HOXC6: variants seen among roughly 807,000 people sequenced by gnomAD.
The protein encoded by HOXC6 is homeobox C6.
A neutral mutation model predicts 24.0 loss-of-function variants in HOXC6; 10 were observed. The ratio of observed to expected loss-of-function variants is 0.42; its 90% confidence interval spans 0.26 to 0.71. HOXC6 has a LOEUF of 0.71. Among genes scored for constraint, HOXC6 ranks in the 30% least tolerant of loss-of-function variants. The probability of loss-of-function intolerance (pLI) is 0.28; values close to 1 mark genes in which losing one functional copy is unlikely to be tolerated. For synonymous variants in HOXC6, 123 were observed against 128.1 expected (o/e 0.96, Z 0.27); for missense variants, 258 against 303.4 (o/e 0.85, Z 1.11).
chr12:54,019,241 T>A (rs1940312790), intron 1 of HOXC6, among the ~76,000 whole-genome samples: 1 of 133,442 alleles, frequency 7.5e-6, no homozygotes, highest in African/African-American at 2.8e-5. Flanking sequence ...TAATTTCGCT[T>A]TCCTTGTTTA....
chr12:54,028,564 G>A lies in HOXC6; in HGVS notation c.43G>A (p.Ala15Thr). The change falls in exon 1 of 2, where the codon GCC becomes ACC. Residue 15 changes from alanine (A) to threonine (T), a missense_variant. Ala to Thr is a moderately conservative substitution (Grantham distance 58, BLOSUM62 0). Coordinates refer to ENST00000243108, the MANE Select transcript of HOXC6 (RefSeq NM_004503.4). ...FTNPSLSCHL[A>T]GGQDVLPNVA... ...TAACCCTTCCTTATCCTGCCACCTC[G>A]CCGGGGGCCAGGACGTCCTCCCCAA... 6.2e-7 allele frequency: 1 copy of A among 1,614,064 alleles called. No homozygotes were observed. Among genetic ancestry groups the A allele is most frequent in the South Asian group, 1.1e-5 (1 of 91,068 alleles).
chr12:54,025,886 G>A (rs956564933), upstream of HOXC6, among the ~76,000 whole-genome samples: 3 of 151,778 alleles, frequency 2.0e-5, no homozygotes, highest in African/African-American at 2.4e-5. Context: ...TCCTTGCTGG[G>A]GGCTGTAGTC....
chr12:54,027,829 A>G (rs1940791935), upstream of HOXC6, among the ~76,000 whole-genome samples: 1 of 152,016 alleles, frequency 6.6e-6, no homozygotes, highest in Non-Finnish European at 1.5e-5. Context: ...CCACATCCCT[A>G]CTACATTCAA....
At position 54,030,303 on chromosome 12, in the gene HOXC6, A is replaced by T; in HGVS notation, c.*341A>T. The T allele has an allele frequency of 6.3e-6, 1 of 158,022 alleles. No homozygotes were observed. 9.8% of individuals were successfully genotyped at this position (158,022 alleles called of 1,614,324 possible). A position where few individuals can be genotyped will look rare whatever the true frequency, so the allele number is the denominator to read the frequency against. On this transcript the variant is annotated 3_prime_UTR_variant, in exon 2 of 2. Coordinates refer to ENST00000243108, the MANE Select transcript of HOXC6 (RefSeq NM_004503.4). ...AGGACTTGGCTCCCCCACTCCTTCG[A>T]CGCCCCCACCCCCGCCCCCCGTGCA... is the stretch of plus-strand genomic sequence containing the variant.
At chr12:54,026,867 C>G (rs1940725948), upstream of HOXC6, among the ~76,000 whole-genome samples, 1 of 152,072 alleles carries the variant, frequency 6.6e-6, no homozygotes. Flanking sequence ...ATTGATTACT[C>G]CGCTTTGTTA....
chr12:54,028,433 C>G (rs553927426), upstream of HOXC6: 26 of 1,395,314 alleles, frequency 1.9e-5, no homozygotes, highest in East Asian at 4.6e-5. Context: ...GGATTGGAGC[C>G]GTCCCTATAA....
upstream of HOXC6, chr12:54,028,424 G>A (rs1456869491): frequency 3.0e-6 from 4 of 1,346,722 alleles, no homozygotes; most frequent in Admixed American, 8.6e-5. Context: ...GTCTGTCCTG[G>A]ATTGGAGCCG....
rs1226226084 is a variant in HOXC6 at position 54,028,607 on chromosome 12, C to T, written c.86C>T (p.Thr29Ile). 2 of 1,614,156 alleles carry T rather than the reference C, an allele frequency of 1.2e-6. No homozygotes were observed. The highest frequency in any genetic ancestry group is 1.7e-6 in the Non-Finnish European group (2 of 1,180,030). ...DVLPNVALNS[T>I]AYDPVRHFST... ...CTCCCCAACGTCGCCCTCAATTCCA[C>T]CGCCTATGATCCAGTGAGGCATTTC... The change falls in exon 1 of 2, where the codon ACC becomes ATC. Residue 29 changes from threonine to isoleucine, a missense_variant. Thr to Ile is a moderately conservative substitution (Grantham distance 89, BLOSUM62 -1). Coordinates refer to ENST00000243108, the MANE Select transcript of HOXC6 (RefSeq NM_004503.4).
chr12:54,024,634 C>T (rs1283215516), upstream of HOXC6, among the ~76,000 whole-genome samples: 1 of 152,172 alleles, frequency 6.6e-6, no homozygotes, highest in Non-Finnish European at 1.5e-5. Context: ...GTGAGGCCTG[C>T]CCACGAACTT....
upstream of HOXC6, among the ~76,000 whole-genome samples, chr12:54,027,496 A>C (rs183520758): frequency 3.9e-5 from 6 of 152,156 alleles, no homozygotes; most frequent in Admixed American, 1.3e-4. Context: ...CCAAATAATA[A>C]ATTCTCACCA....
chr12:54,018,003 G>T (rs1048218813), intron 1 of HOXC6, among the ~76,000 whole-genome samples: 3 of 152,224 alleles, frequency 2.0e-5, no homozygotes, highest in Non-Finnish European at 4.4e-5. Flanking sequence ...GCAGCTAGGC[G>T]GCCGGCGGGG....
At position 54,030,738 on chromosome 12, in the gene HOXC6, C is replaced by T. The variant is rs1257449851; in HGVS notation, c.*776C>T. ...GGAGAAAATAAATAAATAAATAAAT[C>T]CCTTCGTGTTACCCTCCTGTATAAA... is the stretch of plus-strand genomic sequence containing the variant. On this transcript the variant is annotated 3_prime_UTR_variant, in exon 2 of 2. Transcript: ENST00000243108. The T allele has an allele frequency of 6.6e-6, 1 of 152,612 alleles. No individual in the cohort carries two copies. Among genetic ancestry groups the T allele is most frequent in the South Asian group, 2.1e-4 (1 of 4,838 alleles). 9.5% of individuals were successfully genotyped at this position (152,612 alleles called of 1,614,324 possible).
At chr12:54,023,206 A>G (rs1227506240) in intron 1 of HOXC6, among the ~76,000 whole-genome samples, 2 of 152,182 alleles carry the variant, frequency 1.3e-5, no homozygotes, top group Non-Finnish European at 2.9e-5. Context: ...AAAGCCAGAA[A>G]TGATTTTTTC....
chr12:54,017,359 G>T (rs1326168673), exon 1 of HOXC6: 1 of 152,248 alleles, frequency 6.6e-6, no homozygotes, highest in Non-Finnish European at 1.5e-5. Flanking sequence ...AGACGAGAAA[G>T]AGAGTGGGAG....
chr12:54,019,835 T>G (rs1253985706), intron 1 of HOXC6: 1 of 152,118 alleles, frequency 6.6e-6, no homozygotes, highest in Non-Finnish European at 1.5e-5. Context: ...TAATTGATTT[T>G]CTGTCCCTTC....
chr12:54,025,529 G>GC (rs1437426629), upstream of HOXC6, among the ~76,000 whole-genome samples: 1 of 36,838 alleles, frequency 2.7e-5, no homozygotes, highest in Non-Finnish European at 7.0e-5. Context: ...AAGGTAATTG[G>GC]GGGGGGGGGA....
chr12:54,023,874 G>A (rs181800599), upstream of HOXC6, among the ~76,000 whole-genome samples: 40 of 152,306 alleles, frequency 2.6e-4, no homozygotes, highest in Non-Finnish European at 4.9e-4. Context: ...ATGCTTTGGT[G>A]TTCCCAAACA....
upstream of HOXC6, among the ~76,000 whole-genome samples, chr12:54,026,964 T>TC (rs1940738518): frequency 7.9e-6 from 1 of 127,280 alleles, no homozygotes; most frequent in Admixed American, 7.8e-5. Context: ...CCAAAAATGG[T>TC]GGGGGGGGGG....
intron 1 of HOXC6, chr12:54,022,639 A>G (rs547683198): frequency 6.6e-6 from 1 of 152,212 alleles, no homozygotes; most frequent in South Asian, 2.1e-4. Context: ...TCCAGAACAT[A>G]ACAACATTTT....
Sources: allele counts gnomAD v4.1 joint callset (sites outside exome capture counted in the v4.1 genomes callset), GRCh38; gene constraint gnomAD v4.1.1; transcripts MANE v1.5; gene names NCBI Gene and HGNC (gene_info 2026-07-23, HGNC 2026-07-21).